SPATA6L: variants seen among roughly 807,000 people sequenced by gnomAD.
SPATA6L encodes spermatogenesis associated 6 like.
SPATA6L carries 68 observed loss-of-function variants against 49.2 expected under a neutral mutation model. The ratio of observed to expected loss-of-function variants is 1.38; its 90% CI spans 1.14 to 1.69. The LOEUF is 1.69. Ranked by LOEUF, SPATA6L falls within the 40% of genes most tolerant of loss-of-function variation. The pLI is 0.00. For missense variants in SPATA6L, 668 were observed against 464.3 expected, an observed-to-expected ratio of 1.44 and a Z score of -4.03; for synonymous variants, 198 against 165.7, an observed-to-expected ratio of 1.19 and a Z score of -1.50.
In SPATA6L at chr9:4,662,159, C is replaced by G. The variant is rs1839943475; in HGVS notation, c.40-123G>C. The G allele has an allele frequency of 6.8e-7, 1 of 1,465,336 alleles. No individual in the cohort carries two copies. Among genetic ancestry groups the G allele is most frequent in the Non-Finnish European group, 9.0e-7 (1 of 1,110,156 alleles). 90.8% of individuals were successfully genotyped at this position (1,465,336 alleles called of 1,614,324 possible). A position where few individuals can be genotyped will look rare whatever the true frequency, so the allele number is the denominator to read the frequency against. On this transcript the variant is annotated intron_variant, in intron 1 of 11. Transcript: ENST00000682582. This position sits in a 1 kb window ranked among gnomAD's most constrained non-coding sequence, Gnocchi z 4.9. ...GACATTTTCCCCATCACCTCACTCC[C>G]TCACCTGTACCTCCCAACGCCAACA...
chr9:4,640,840 A>T (rs771479586), intron 3 of SPATA6L, among the ~76,000 whole-genome samples: 3 of 152,202 alleles, frequency 2.0e-5, no homozygotes, highest in Non-Finnish European at 4.4e-5. Context: ...AATTAAAAAA[A>T]CAAGTATAAC....
At chr9:4,661,691 G>A (rs1839791410) in intron 2 of SPATA6L, among the ~76,000 whole-genome samples, 1 of 151,714 alleles carries the variant, frequency 6.6e-6, no homozygotes, top group South Asian at 2.1e-4. Context: ...CATCAACCAG[G>A]GTATTTAGCA....
At chr9:4,639,347 T>C (rs1037600588) in intron 3 of SPATA6L, among the ~76,000 whole-genome samples, 2 of 152,212 alleles carry the variant, frequency 1.3e-5, no homozygotes, top group Non-Finnish European at 2.9e-5. Context: ...ATCTAAAGGA[T>C]AGCTGCTACA....
intron 3 of SPATA6L, among the ~76,000 whole-genome samples, chr9:4,655,163 C>A (rs752767696): frequency 7.2e-5 from 11 of 152,152 alleles, no homozygotes; most frequent in African/African-American, 1.2e-4. Flanking sequence ...CAATTGATGA[C>A]TAGAAAAACA....
chr9:4,637,304 G>A (rs555351913), intron 3 of SPATA6L, among the ~76,000 whole-genome samples: 1 of 151,004 alleles, frequency 6.6e-6, no homozygotes, highest in Admixed American at 6.6e-5. Context: ...TGAATAACAG[G>A]CTTGGTTTAA....
chr9:4,625,740 A>G lies in SPATA6L; in HGVS notation c.430-174T>C, dbSNP rs186574093. ...CATTTCTCTAATTTTTTTCCTGTTC[A>G]GTTTAACATCAGTAGTATTTATAAC... On this transcript the variant is annotated intron_variant, in intron 5 of 11. Coordinates refer to ENST00000682582, the MANE Select transcript of SPATA6L (RefSeq NM_001353486.2). 26 of 463,018 alleles carry G rather than the reference A, an allele frequency of 5.6e-5. No individual in the cohort carries two copies. In the Admixed American group the frequency reaches 9.4e-4, roughly 17 times the overall value. 28.7% of individuals were successfully genotyped at this position (463,018 alleles called of 1,614,324 possible).
At chr9:4,659,385 G>C (rs1839062071) in intron 2 of SPATA6L, among the ~76,000 whole-genome samples, 1 of 151,838 alleles carries the variant, frequency 6.6e-6, no homozygotes, top group South Asian at 2.1e-4. Flanking sequence ...ACCAATAACA[G>C]ACAAACAGAG....
At chr9:4,614,249 C>T (rs1430322019) in intron 9 of SPATA6L, among the ~76,000 whole-genome samples, 1 of 152,172 alleles carries the variant, frequency 6.6e-6, no homozygotes, top group African/African-American at 2.4e-5. Flanking sequence ...TCCTTTAGTA[C>T]TCCCATTGTT....
At position 4,666,336 on chromosome 9, in the gene SPATA6L, C is replaced by A; in HGVS notation, c.-86G>T. On this transcript the variant is annotated 5_prime_UTR_variant, in exon 1 of 12. Coordinates refer to ENST00000682582, the MANE Select transcript of SPATA6L (RefSeq NM_001353486.2). ...CAATTTTTCTTAGTTTAGCTGAATA[C>A]CTAGAGCAAATGTTCCCAGAAGCTT... 2.8e-6 allele frequency: 4 copies of A among 1,420,818 alleles called. No individual in the cohort carries two copies. In the South Asian group the frequency reaches 4.7e-5, roughly 17 times the overall value. 88.0% of individuals were successfully genotyped at this position (1,420,818 alleles called of 1,614,324 possible).
Position 4,666,303 on chromosome 9 carries a change from C to T in SPATA6L, c.-53G>A. ...AATGAGAAGATCCTTTTGTGCCGAG[C>T]CTTGGACCAATTTTTCTTAGTTTAG... On this transcript the variant is annotated 5_prime_UTR_variant, in exon 1 of 12. Coordinates refer to ENST00000682582, the MANE Select transcript of SPATA6L (RefSeq NM_001353486.2). 1.2e-6 allele frequency: 2 copies of T among 1,603,908 alleles called. No individual in the cohort carries two copies. Among genetic ancestry groups the T allele is most frequent in the Non-Finnish European group, 1.7e-6 (2 of 1,171,054 alleles).
intron 3 of SPATA6L, 51 bp from the exon 4 acceptor site, chr9:4,635,450 T>C: frequency 1.3e-6 from 2 of 1,531,740 alleles, no homozygotes; most frequent in African/African-American, 1.4e-5. Context: ...ACCTCCAGGC[T>C]TAACAAAATA....
chr9:4,597,638 A>G (rs533900524), downstream of SPATA6L, among the ~76,000 whole-genome samples: 5 of 152,254 alleles, frequency 3.3e-5, no homozygotes, highest in Admixed American at 2.0e-4. Context: ...GTGCCCCTAG[A>G]TTCAGTGTGG....
In SPATA6L at chr9:4,660,092, A is replaced by G. The variant is rs376237661; in HGVS notation, c.177+1807T>C. ...CATAAAAACCCTAGAAGAAAACCTA[A>G]GCAATACCATTCAGGACATATGCAT... On this transcript the variant is annotated intron_variant, in intron 2 of 11. Coordinates refer to ENST00000682582, the MANE Select transcript of SPATA6L (RefSeq NM_001353486.2). Among the ~76,000 whole-genome samples the G allele has an allele frequency of 3.9e-5, 6 of 152,316 alleles. No homozygotes were observed. The East Asian group carries it at 7.7e-4, about 20-fold the overall frequency.
intron 3 of SPATA6L, among the ~76,000 whole-genome samples, chr9:4,641,139 G>A (rs899967632): frequency 1.3e-5 from 2 of 152,066 alleles, no homozygotes; most frequent in African/African-American, 4.8e-5. Flanking sequence ...ACTGTCATAT[G>A]TCTTTCAAGA....
Position 4,662,568 on chromosome 9 carries a change from G to A in SPATA6L, c.40-532C>T, listed in dbSNP as rs1459760104. 1 of 1,586,734 alleles carries A rather than the reference G, an allele frequency of 6.3e-7. No individual in the cohort carries two copies. The highest frequency in any genetic ancestry group is 1.1e-5 in the South Asian group (1 of 89,594). On this transcript the variant is annotated intron_variant, in intron 1 of 11. Transcript: ENST00000682582. This position sits in a 1 kb window ranked among gnomAD's most constrained non-coding sequence, Gnocchi z 4.9. ...CCGGCTCCGTGCATCGGAGAGCCCA[G>A]TTCACCGCCGCGGCTCCTTCCCCCT...
intron 5 of SPATA6L, chr9:4,626,987 T>G (rs983958824): frequency 1.1e-5 from 1 of 91,432 alleles, no homozygotes; most frequent in Non-Finnish European, 1.8e-5. Context: ...AATGAGACAG[T>G]TTTTTTTAAG....
At chr9:4,618,223 T>A (rs1255643231) in intron 8 of SPATA6L, 113 bp from the exon 9 acceptor site, 1 of 833,960 alleles carries the variant, frequency 1.2e-6, no homozygotes, top group Non-Finnish European at 1.8e-6. Context: ...ACAGAATATT[T>A]GCCCCAGGGA....
intron 13 of SPATA6L, among the ~76,000 whole-genome samples, chr9:4,589,364 G>C (rs1384751406): frequency 1.3e-5 from 2 of 152,104 alleles, no homozygotes; most frequent in African/African-American, 4.8e-5. Flanking sequence ...TGCAATTGCT[G>C]TTCCAGTATT....
chr9:4,597,472 G>A (rs1564084126), downstream of SPATA6L, among the ~76,000 whole-genome samples: 1 of 152,060 alleles, frequency 6.6e-6, no homozygotes, highest in Non-Finnish European at 1.5e-5. Context: ...TTTTGTTGAA[G>A]AAGCTCCATC....
Sources: allele counts gnomAD v4.1 joint callset (sites outside exome capture counted in the v4.1 genomes callset), GRCh38; gene constraint gnomAD v4.1.1; non-coding constraint Gnocchi (gnomAD v3.1); transcripts MANE v1.5; gene names NCBI Gene and HGNC (gene_info 2026-07-23, HGNC 2026-07-21).